COL19A1: variants seen among roughly 807,000 people sequenced by gnomAD.
COL19A1 encodes collagen alpha-1(XIX) chain.
COL19A1 carries 159 observed loss-of-function variants against 190.2 expected under a neutral mutation model. The ratio of observed to expected loss-of-function variants is 0.84; its 90% CI spans 0.73 to 0.95. The LOEUF (loss-of-function observed/expected upper bound fraction) is 0.95, where lower values mean the gene tolerates loss of function less well. Among genes scored for constraint, COL19A1 ranks in the 40% least tolerant of loss-of-function variants. The pLI is 0.00. For missense variants in COL19A1, 1,418 were observed against 1,431.9 expected (o/e 0.99, Z 0.16); for synonymous variants, 509 against 458.9 (o/e 1.11, Z -1.39).
intron 34 of COL19A1, among the ~76,000 whole-genome samples, chr6:70,157,271 C>T (rs1269711254): frequency 1.3e-5 from 2 of 152,102 alleles, no homozygotes; most frequent in African/African-American, 2.4e-5. Flanking sequence ...GCTGCTCACC[C>T]GTTGGACTAA....
intron 2 of COL19A1, among the ~76,000 whole-genome samples, chr6:69,887,912 G>C (rs1769051131): frequency 6.6e-6 from 1 of 152,170 alleles, no homozygotes; most frequent in South Asian, 2.1e-4. Flanking sequence ...AGTTCCCAAG[G>C]CTCCATCTCA....
In COL19A1 at chr6:70,187,349, C is replaced by T. The variant is rs535793167; in HGVS notation, c.2857-726C>T. On this transcript the variant is annotated intron_variant, in intron 46 of 50. Transcript: ENST00000620364. Reference sequence around the variant, plus strand: ...CAACGTGCACACACACATGCATACACGTGTAAAGCACAAATACAGAAAACA... The same window carrying T: ...CAACGTGCACACACACATGCATACATGTGTAAAGCACAAATACAGAAAACA... Among the ~76,000 whole-genome samples the T allele has an allele frequency of 2.9e-3, 440 of 152,194 alleles. 6 individuals carry two copies. Among genetic ancestry groups the T allele is most frequent in the African/African-American group, 9.5e-3 (395 of 41,454 alleles).
chr6:70,058,976 G>A (rs567762403), intron 14 of COL19A1, among the ~76,000 whole-genome samples: 2 of 151,928 alleles, frequency 1.3e-5, no homozygotes, highest in East Asian at 1.9e-4. Flanking sequence ...ATTTCATTCC[G>A]ATGTCCCCAA....
intron 2 of COL19A1, among the ~76,000 whole-genome samples, chr6:69,888,171 T>C (rs1450393004): frequency 2.0e-5 from 3 of 152,058 alleles, no homozygotes; most frequent in African/African-American, 4.8e-5. Flanking sequence ...CGTTTAGAGT[T>C]TGATGGCCTG....
intron 40 of COL19A1, among the ~76,000 whole-genome samples, chr6:70,169,457 T>G (rs939904734): frequency 8.5e-5 from 13 of 152,180 alleles, no homozygotes; most frequent in African/African-American, 3.1e-4. Context: ...GAAAAAAAAT[T>G]TAAAGCCTTT....
chr6:70,144,330 G>A, intron 24 of COL19A1, 67 bp downstream of exon 24: 1 of 1,377,076 alleles, frequency 7.3e-7, no homozygotes, highest in East Asian at 2.3e-5. Context: ...GGATCATAAG[G>A]GAGATGAAAG....
chr6:69,886,098 T>C (rs1217427374), intron 2 of COL19A1, among the ~76,000 whole-genome samples: 1 of 152,186 alleles, frequency 6.6e-6, no homozygotes, highest in Non-Finnish European at 1.5e-5. Context: ...ATGGTTAATA[T>C]ACAAAATTTA....
intron 11 of COL19A1, among the ~76,000 whole-genome samples, chr6:70,010,199 T>C (rs1249128274): frequency 2.0e-5 from 3 of 152,174 alleles, no homozygotes; most frequent in Non-Finnish European, 4.4e-5. Flanking sequence ...CCAGAATATA[T>C]AAATAGCTCT....
chr6:70,102,590 T>C (rs1205675378), intron 16 of COL19A1, among the ~76,000 whole-genome samples: 2 of 152,178 alleles, frequency 1.3e-5, no homozygotes, highest in African/African-American at 4.8e-5. Context: ...TGTTAGAAAA[T>C]CAGACATCTG....
At chr6:69,914,579 C>T (rs1291275041) in intron 4 of COL19A1, among the ~76,000 whole-genome samples, 4 of 152,064 alleles carry the variant, frequency 2.6e-5, no homozygotes, top group African/African-American at 4.8e-5. Context: ...ATTTAAAAAT[C>T]GATTTTTTTC....
chr6:70,016,656 A>C (rs928087860), intron 11 of COL19A1, among the ~76,000 whole-genome samples: 5 of 152,076 alleles, frequency 3.3e-5, no homozygotes, highest in African/African-American at 1.2e-4. Flanking sequence ...GACTTGTATC[A>C]ATAATACATA....
intron 9 of COL19A1, among the ~76,000 whole-genome samples, chr6:69,951,334 A>G (rs1350127575): frequency 1.3e-5 from 2 of 151,924 alleles, no homozygotes; most frequent in East Asian, 1.9e-4. Context: ...ATTATTCATA[A>G]AAGTGTCAGC....
chr6:70,144,155 T>G, intron 23 of COL19A1, 55 bp from the exon 24 acceptor site: 1 of 1,422,362 alleles, frequency 7.0e-7, no homozygotes, highest in East Asian at 2.3e-5. Context: ...TATAGGGAAA[T>G]GTTATTGTAA....
intron 15 of COL19A1, among the ~76,000 whole-genome samples, chr6:70,082,912 C>T (rs145496885): frequency 1.3e-5 from 2 of 152,122 alleles, no homozygotes; most frequent in African/African-American, 4.8e-5. Context: ...ATGAGTGGTT[C>T]ACAATAGGGT....
At chr6:69,997,884 A>T (rs1230905419) in intron 11 of COL19A1, among the ~76,000 whole-genome samples, 1 of 152,106 alleles carries the variant, frequency 6.6e-6, no homozygotes, top group Non-Finnish European at 1.5e-5. Context: ...ACTTTAGAGA[A>T]CTCCAAGTAG....
chr6:69,915,340 T>G (rs574462330), intron 4 of COL19A1, among the ~76,000 whole-genome samples: 3 of 152,352 alleles, frequency 2.0e-5, no homozygotes, highest in African/African-American at 7.2e-5. Flanking sequence ...GAGCATGTAC[T>G]TTAAAATAGT....
At chr6:69,931,173 G>A (rs1398885407) in intron 6 of COL19A1, among the ~76,000 whole-genome samples, 1 of 152,078 alleles carries the variant, frequency 6.6e-6, no homozygotes, top group East Asian at 1.9e-4. Context: ...AAATTATCAT[G>A]ATTTAGTTTT....
intron 34 of COL19A1, among the ~76,000 whole-genome samples, chr6:70,161,548 A>G (rs1293167342): frequency 6.6e-6 from 1 of 152,122 alleles, no homozygotes; most frequent in Non-Finnish European, 1.5e-5. Flanking sequence ...ACAGAGTGAT[A>G]TAATGGACGT....
At chr6:70,152,146 G>A (rs1331798355) in intron 31 of COL19A1, among the ~76,000 whole-genome samples, 1 of 151,876 alleles carries the variant, frequency 6.6e-6, no homozygotes, top group Non-Finnish European at 1.5e-5. Flanking sequence ...GATTGAGTGA[G>A]GCCACATGAA....
Sources: gnomAD v4.1 joint callset for allele counts (sites outside exome capture counted in the v4.1 genomes callset) on GRCh38, gnomAD v4.1.1 for gene constraint, MANE v1.5 for transcripts, NCBI Gene and HGNC (gene_info 2026-07-23, HGNC 2026-07-21) for gene names.